The following ADGB variants were observed in gnomAD, a reference collection of about 807,000 sequenced individuals.
ADGB encodes the protein androglobin.
In ADGB, 172 loss-of-function variants were observed where a neutral mutation model predicts 210.5. The observed-to-expected ratio is 0.82, with a 90% confidence interval of 0.72 to 0.93. The LOEUF (loss-of-function observed/expected upper bound fraction) is 0.93. ADGB is among the 40% of genes least tolerant of loss of function. The pLI is 0.00. For missense variants in ADGB, 2,025 were observed against 1,964.8 expected (o/e 1.03, Z -0.58); for synonymous variants, 658 against 662.7 (o/e 0.99, Z 0.11).
intron 5 of ADGB, among the ~76,000 whole-genome samples, chr6:146,658,233 C>T (rs1021692113): frequency 3.3e-5 from 5 of 152,076 alleles, no homozygotes; most frequent in African/African-American, 1.2e-4. Flanking sequence ...ACATCCACAG[C>T]AAGACAATTG....
intron 1 of ADGB, among the ~76,000 whole-genome samples, chr6:146,634,980 T>C (rs1281540708): frequency 6.6e-6 from 1 of 152,020 alleles, no homozygotes; most frequent in Non-Finnish European, 1.5e-5. Context: ...TTATACAAAG[T>C]ATATGCAAAA....
intron 29 of ADGB, among the ~76,000 whole-genome samples, chr6:146,779,971 T>G (rs953208636): frequency 6.6e-6 from 1 of 151,918 alleles, no homozygotes; most frequent in Non-Finnish European, 1.5e-5. Flanking sequence ...TATTTTTTTT[T>G]GCTTATCACT....
intron 4 of ADGB, 151 bp from the exon 5 acceptor site, chr6:146,656,620 A>T (rs1775785100): frequency 3.5e-6 from 2 of 564,802 alleles, no homozygotes; most frequent in Admixed American, 3.8e-5. Flanking sequence ...CTATAACTTT[A>T]TTCTGTAGAT....
chr6:146,617,840 G>C (rs1330569892), intron 1 of ADGB, among the ~76,000 whole-genome samples: 1 of 151,940 alleles, frequency 6.6e-6, no homozygotes, highest in East Asian at 1.9e-4. Flanking sequence ...AATTCGGTTT[G>C]CCAGGACAGT....
At chr6:146,623,286 T>A (rs1183646801) in intron 1 of ADGB, among the ~76,000 whole-genome samples, 1 of 151,972 alleles carries the variant, frequency 6.6e-6, no homozygotes, top group Non-Finnish European at 1.5e-5. Flanking sequence ...ATTGATGTCT[T>A]AACTATATTG....
At chr6:146,697,503 C>G (rs1395881216) in intron 12 of ADGB, among the ~76,000 whole-genome samples, 3 of 151,924 alleles carry the variant, frequency 2.0e-5, no homozygotes, top group Non-Finnish European at 4.4e-5. Flanking sequence ...AGTATAATGA[C>G]TAAGACCCAG....
intron 4 of ADGB, among the ~76,000 whole-genome samples, chr6:146,654,885 T>G (rs1483196441): frequency 6.6e-6 from 1 of 152,136 alleles, no homozygotes; most frequent in Non-Finnish European, 1.5e-5. Context: ...TAACTACAGC[T>G]GCATTGTTGC....
intron 33 of ADGB, among the ~76,000 whole-genome samples, chr6:146,789,321 G>T (rs1777922481): frequency 6.6e-6 from 1 of 152,146 alleles, no homozygotes; most frequent in Non-Finnish European, 1.5e-5. Flanking sequence ...GGTGATCATG[G>T]CCCATTTGTC....
At position 146,815,102 on chromosome 6, in the gene ADGB, C is replaced by G. The variant is rs775861944; in HGVS notation, c.4889C>G (p.Ala1630Gly). Reference protein sequence around the residue: ...REEYRNKLLEAEHLKLETLAA... With the variant: ...REEYRNKLLEGEHLKLETLAA... ...GAGTACAGAAACAAATTGCTGGAAG[C>G]TGAGCACCTAAAGCTGGAAACTCTG... is the stretch of plus-strand genomic sequence containing the variant. The change falls in exon 36 of 36, where the codon GCT (alanine) becomes GGT (glycine). Residue 1630 changes from alanine (A) to glycine (G), a missense_variant. Physicochemically the swap from Ala to Gly is moderately conservative, Grantham distance 60 (BLOSUM62 0). Transcript: ENST00000397944. The G allele has an allele frequency of 1.5e-5, 24 of 1,548,492 alleles. 2 individuals are homozygous for G. The Admixed American group carries it at 4.8e-4, about 31-fold the overall frequency.
In ADGB at chr6:146,702,546, A is replaced by G. The variant is rs147282409; in HGVS notation, c.1707+1476A>G. Among the ~76,000 whole-genome samples, 76 of 152,012 alleles carry G rather than the reference A, an allele frequency of 5.0e-4. No homozygotes were observed. The East Asian group carries it at 6.9e-3, about 14-fold the overall frequency. On this transcript the variant is annotated intron_variant, in intron 13 of 35. Transcript: ENST00000397944. ...CCATTTTCACCATTCTGCCCTCCGTAGGAAACTTTCAGGATTTTTTAATGT... is the reference window on the plus strand; with the variant it reads ...CCATTTTCACCATTCTGCCCTCCGTGGGAAACTTTCAGGATTTTTTAATGT...
At chr6:146,757,835 C>T (rs949924062) in intron 27 of ADGB, among the ~76,000 whole-genome samples, 2 of 151,886 alleles carry the variant, frequency 1.3e-5, no homozygotes, top group African/African-American at 4.8e-5. Context: ...TCATCCTGTC[C>T]TATTAACCTT....
chr6:146,651,638 C>A (rs2114879641), intron 3 of ADGB, among the ~76,000 whole-genome samples: 1 of 152,216 alleles, frequency 6.6e-6, no homozygotes, highest in African/African-American at 2.4e-5. Flanking sequence ...TTGATATCAT[C>A]TTGACTTTGG....
intron 32 of ADGB, among the ~76,000 whole-genome samples, chr6:146,787,443 A>G (rs775502590): frequency 1.3e-5 from 2 of 152,064 alleles, no homozygotes; most frequent in Non-Finnish European, 2.9e-5. Flanking sequence ...TTTATTTCTT[A>G]CTGTGCCTGG....
chr6:146,650,534 G>A (rs1168897974), intron 3 of ADGB, among the ~76,000 whole-genome samples: 1 of 99,804 alleles, frequency 1.0e-5, no homozygotes, highest in Non-Finnish European at 1.9e-5. Context: ...TAATTCACAT[G>A]TTTTTTTTTT....
chr6:146,728,025 TC>T (rs1413777524), intron 19 of ADGB, among the ~76,000 whole-genome samples: 1 of 152,204 alleles, frequency 6.6e-6, no homozygotes, highest in East Asian at 1.9e-4. Context: ...TCATGCTGCT[TC>T]CAGGCAACTC....
At chr6:146,633,752 T>A (rs778507304) in intron 1 of ADGB, among the ~76,000 whole-genome samples, 103 of 152,164 alleles carry the variant, frequency 6.8e-4, no homozygotes, top group Non-Finnish European at 1.4e-3. Context: ...CTGTGTTATA[T>A]TTCCCTTTAG....
chr6:146,613,449 C>T (rs1780741047), intron 1 of ADGB, among the ~76,000 whole-genome samples: 1 of 152,160 alleles, frequency 6.6e-6, no homozygotes. Context: ...GCTGGCTGCA[C>T]ATTGCATGAG....
intron 35 of ADGB, among the ~76,000 whole-genome samples, chr6:146,808,351 A>C (rs1319520458): frequency 1.3e-5 from 2 of 152,112 alleles, no homozygotes; most frequent in Non-Finnish European, 2.9e-5. Context: ...TTCATAGACC[A>C]AGAACTACCC....
chr6:146,656,961 T>C lies in ADGB; in HGVS notation c.593T>C (p.Val198Ala). ...MPLFNSYGKY[V>A]VKLYWMGCWR... ...TTGTTCAATAGCTATGGAAAGTATG[T>C]TGTGAAACTTTACTGGATGGTAAGT... Residue 198 changes from valine to alanine, a missense_variant, in exon 5 of 36, where the codon GTT (valine) becomes GCT (alanine). Coordinates refer to ENST00000397944, the MANE Select transcript of ADGB (RefSeq NM_024694.4). The C allele has an allele frequency of 1.9e-6, 3 of 1,551,054 alleles. No homozygotes were observed. Among genetic ancestry groups the C allele is most frequent in the South Asian group, 1.2e-5 (1 of 83,992 alleles).
Sources: gnomAD v4.1 joint callset for allele counts (sites outside exome capture counted in the v4.1 genomes callset) on GRCh38, gnomAD v4.1.1 for gene constraint, MANE v1.5 for transcripts, NCBI Gene and HGNC (gene_info 2026-07-23, HGNC 2026-07-21) for gene names.